The following HDAC9 variants were observed in gnomAD, a reference collection of about 807,000 sequenced individuals.
The protein encoded by HDAC9 is histone deacetylase 9.
HDAC9 carries 41 observed loss-of-function variants against 139.4 expected under a neutral mutation model. The observed-to-expected ratio is 0.29, with a 90% CI of 0.23 to 0.38. The LOEUF (loss-of-function observed/expected upper bound fraction) is 0.38. HDAC9 is among the 10% of genes least tolerant of loss of function. HDAC9 has a pLI of 1.00. For synonymous variants in HDAC9, 517 were observed against 476.2 expected (o/e 1.09, Z -1.12); for missense variants, 1,147 against 1,297.0 (o/e 0.88, Z 1.78).
chr7:18,712,856 C>G lies in HDAC9; in HGVS notation c.1732-14724C>G, dbSNP rs566542303. Among the ~76,000 whole-genome samples the G allele has an allele frequency of 2.6e-5, 4 of 152,156 alleles. No individual in the cohort carries two copies. In the South Asian group the frequency reaches 8.3e-4, roughly 32 times the overall value. On this transcript the variant is annotated intron_variant, in intron 12 of 25. Transcript: ENST00000686413. Reference sequence around the variant, plus strand: ...TATGTCTTTCAAGGAGATGAAATAACTTTTATATGCAAGAGTTTATTCATG... The same window carrying G: ...TATGTCTTTCAAGGAGATGAAATAAGTTTTATATGCAAGAGTTTATTCATG...
intron 13 of HDAC9, among the ~76,000 whole-genome samples, chr7:18,737,232 C>T (rs1232237505): frequency 6.6e-6 from 1 of 152,126 alleles, no homozygotes; most frequent in African/African-American, 2.4e-5. Context: ...TCTCTATCTC[C>T]TTCAGTTCTG....
intron 2 of HDAC9, among the ~76,000 whole-genome samples, chr7:18,254,063 G>A (rs1406452057): frequency 6.6e-6 from 1 of 152,196 alleles, no homozygotes; most frequent in African/African-American, 2.4e-5. Context: ...AAATTTTCTG[G>A]ACTTTCAATA....
chr7:18,824,514 A>G (rs1238380319), intron 17 of HDAC9, among the ~76,000 whole-genome samples: 1 of 152,222 alleles, frequency 6.6e-6, no homozygotes, highest in African/African-American at 2.4e-5. Context: ...AGATGAAGCT[A>G]TAACTGGAAT....
chr7:18,449,368 C>T (rs895842500), intron 1 of HDAC9, among the ~76,000 whole-genome samples: 1 of 152,056 alleles, frequency 6.6e-6, no homozygotes, highest in Non-Finnish European at 1.5e-5. Context: ...TAACCAAACA[C>T]AAGAGTGCCT....
At chr7:18,612,851 A>C (rs1161335538) in intron 6 of HDAC9, among the ~76,000 whole-genome samples, 1 of 152,002 alleles carries the variant, frequency 6.6e-6, no homozygotes, top group South Asian at 2.1e-4. Context: ...AGATACTAAG[A>C]GGAGAATATG....
chr7:18,470,466 C>T (rs1006099843), intron 1 of HDAC9, among the ~76,000 whole-genome samples: 1 of 152,124 alleles, frequency 6.6e-6, no homozygotes, highest in Admixed American at 6.6e-5. Context: ...AAATAAAATT[C>T]TTTCTTTTAA....
At chr7:18,935,483 A>G (rs749285128) in intron 22 of HDAC9, among the ~76,000 whole-genome samples, 36 of 152,280 alleles carry the variant, frequency 2.4e-4, no homozygotes, top group Middle Eastern at 3.4e-3. Context: ...CCTTGTTAAC[A>G]CCTGCTGAAG....
At chr7:18,646,834 T>C (rs1787572361) in intron 9 of HDAC9, among the ~76,000 whole-genome samples, 1 of 152,188 alleles carries the variant, frequency 6.6e-6, no homozygotes, top group South Asian at 2.1e-4. Flanking sequence ...TATTGCCTTA[T>C]TACTGTGTTA....
At chr7:18,679,808 AATT>A (rs1447979875) in intron 12 of HDAC9, among the ~76,000 whole-genome samples, 1 of 151,882 alleles carries the variant, frequency 6.6e-6, no homozygotes, top group Non-Finnish European at 1.5e-5. Context: ...TTATTTTAAA[AATT>A]ATTATTTACA....
chr7:18,647,439 T>C (rs77137451), intron 9 of HDAC9, among the ~76,000 whole-genome samples: 1 of 152,078 alleles, frequency 6.6e-6, no homozygotes, highest in African/African-American at 2.4e-5. Context: ...ACATGTACAA[T>C]ATATTGTTAT....
chr7:18,088,502 A>G (rs569868849), intron 1 of HDAC9, among the ~76,000 whole-genome samples: 78 of 152,374 alleles, frequency 5.1e-4, no homozygotes, highest in African/African-American at 1.5e-3. Flanking sequence ...ATCTCCCAAA[A>G]GAAAACCTTA....
At position 18,836,895 on chromosome 7, in the gene HDAC9, A is replaced by G. The variant is rs181374359; in HGVS notation, c.2684+898A>G. On this transcript the variant is annotated intron_variant, in intron 21 of 25. Transcript: ENST00000686413. Reference sequence around the variant, plus strand: ...CAAAACAACCACATGAAAAAAACTTACATGTGTTCATAGTTTTGAAATTTG... The same window carrying G: ...CAAAACAACCACATGAAAAAAACTTGCATGTGTTCATAGTTTTGAAATTTG... Among the ~76,000 whole-genome samples, 136 of 152,184 alleles carry G rather than the reference A, an allele frequency of 8.9e-4. 1 individual carries two copies. Among genetic ancestry groups the G allele is most frequent in the Admixed American group, 1.8e-3 (27 of 15,264 alleles).
chr7:18,534,588 C>T (rs529495211), intron 2 of HDAC9, among the ~76,000 whole-genome samples: 3 of 152,184 alleles, frequency 2.0e-5, no homozygotes, highest in Admixed American at 6.5e-5. Flanking sequence ...AGAATCCTTG[C>T]GTACTAGTGT....
intron 6 of HDAC9, among the ~76,000 whole-genome samples, chr7:18,603,819 C>A (rs1270092108): frequency 6.6e-6 from 1 of 152,056 alleles, no homozygotes; most frequent in Non-Finnish European, 1.5e-5. Flanking sequence ...TCTTGTATGG[C>A]AGGCCTACAG....
intron 22 of HDAC9, among the ~76,000 whole-genome samples, chr7:18,886,309 T>C (rs117749813): frequency 6.6e-6 from 1 of 152,336 alleles, no homozygotes; most frequent in East Asian, 1.9e-4. Flanking sequence ...TGACTGCTGC[T>C]TAACTTTGAA....
chr7:18,432,141 C>T (rs564943513), intron 1 of HDAC9, among the ~76,000 whole-genome samples: 2 of 152,308 alleles, frequency 1.3e-5, no homozygotes, highest in Admixed American at 6.5e-5. Context: ...TTTCTTCCTC[C>T]AAGTTAAGAG....
intron 2 of HDAC9, among the ~76,000 whole-genome samples, chr7:18,216,166 G>A (rs1792301031): frequency 6.6e-6 from 1 of 151,850 alleles, no homozygotes; most frequent in Non-Finnish European, 1.5e-5. Flanking sequence ...GAGTTTGAGA[G>A]ATAGAACAGA....
In HDAC9 at chr7:18,880,176, C is replaced by T. The variant is rs185658486; in HGVS notation, c.2803+5580C>T. Among the ~76,000 whole-genome samples the T allele has an allele frequency of 6.3e-4, 95 of 151,960 alleles. 1 individual carries two copies. Among genetic ancestry groups the T allele is most frequent in the Middle Eastern group, 3.4e-3 (1 of 294 alleles). ...AAAATAACAGGTGCTGGCAAGGTTG[C>T]GGAGAAAAAGGAACACTTAGACACT... is the stretch of plus-strand genomic sequence containing the variant. On this transcript the variant is annotated intron_variant, in intron 22 of 25. Coordinates refer to ENST00000686413, the MANE Select transcript of HDAC9 (RefSeq NM_178425.4).
At chr7:18,280,339 C>T (rs1273944074) in intron 2 of HDAC9, among the ~76,000 whole-genome samples, 1 of 152,114 alleles carries the variant, frequency 6.6e-6, no homozygotes, top group African/African-American at 2.4e-5. Context: ...CCTGTGATCC[C>T]AGCACTTTGG....
Sources: allele counts gnomAD v4.1 joint callset (sites outside exome capture counted in the v4.1 genomes callset), GRCh38; gene constraint gnomAD v4.1.1; transcripts MANE v1.5; gene names NCBI Gene and HGNC (gene_info 2026-07-23, HGNC 2026-07-21).